BRI3BP: variants seen among roughly 807,000 people sequenced by gnomAD.
BRI3BP encodes the protein BRI3 binding protein.
In BRI3BP, 7 loss-of-function variants were observed where a neutral mutation model predicts 15.8. The observed-to-expected ratio is 0.44, with a 90% CI of 0.25 to 0.83. The LOEUF (loss-of-function observed/expected upper bound fraction) is 0.83. Among genes scored for constraint, BRI3BP ranks in the 40% least tolerant of loss-of-function variants. BRI3BP has a pLI of 0.20. For missense variants in BRI3BP, 320 were observed against 339.3 expected (o/e 0.94, Z 0.45); for synonymous variants, 192 against 163.5 (o/e 1.17, Z -1.33).
the BRI3BP span, among the ~76,000 whole-genome samples, chr12:125,048,554 G>A: frequency 6.6e-6 from 1 of 151,510 alleles, no homozygotes; most frequent in Admixed American, 6.6e-5. Flanking sequence ...CTGTTGTGGG[G>A]TGGGGGCAGG....
downstream of BRI3BP, among the ~76,000 whole-genome samples, chr12:125,032,508 G>T (rs935294567): frequency 2.0e-5 from 3 of 152,134 alleles, no homozygotes; most frequent in African/African-American, 4.8e-5. Context: ...AGTGGCTCAC[G>T]CCTGTCATCC....
chr12:125,031,669 T>C (rs1594542634), downstream of BRI3BP, among the ~76,000 whole-genome samples: 1 of 139,570 alleles, frequency 7.2e-6, no homozygotes, highest in Non-Finnish European at 1.5e-5. Context: ...CTCCATCTCC[T>C]GGGCTCAAGC....
At position 125,029,781 on chromosome 12, in the gene BRI3BP, A is replaced by G. The variant is rs954354608; in HGVS notation, c.*4351A>G. 2 of 152,274 alleles carry G rather than the reference A, an allele frequency of 1.3e-5. No homozygotes were observed. Among genetic ancestry groups the G allele is most frequent in the Admixed American group, 6.5e-5 (1 of 15,268 alleles). 9.4% of individuals were successfully genotyped at this position (152,274 alleles called of 1,614,324 possible). ...GAAAGGTGTTTCATACACTTACCCC[A>G]GAAATGAGAGCCTGTCTCATGCAGG... is the stretch of plus-strand genomic sequence containing the variant. On this transcript the variant is annotated 3_prime_UTR_variant, in exon 3 of 3. Coordinates refer to ENST00000341446, the MANE Select transcript of BRI3BP (RefSeq NM_080626.6).
At chr12:124,996,469 G>A (rs1434514699) in intron 1 of BRI3BP, among the ~76,000 whole-genome samples, 1 of 151,656 alleles carries the variant, frequency 6.6e-6, no homozygotes, top group Admixed American at 6.6e-5. Context: ...GATTACAAGT[G>A]AGCACCACCA....
chr12:125,045,289 G>A, the BRI3BP span, among the ~76,000 whole-genome samples: 3 of 152,138 alleles, frequency 2.0e-5, no homozygotes, highest in African/African-American at 4.8e-5. Flanking sequence ...GATCAAACCC[G>A]TTTAAGTCTA....
At chr12:125,006,528 G>A (rs1229379009) in intron 1 of BRI3BP, among the ~76,000 whole-genome samples, 3 of 152,196 alleles carry the variant, frequency 2.0e-5, no homozygotes, top group Non-Finnish European at 2.9e-5. Context: ...AGTTTTCAGA[G>A]CACCTGCCTG....
chr12:125,013,164 TAGTGGG>T (rs60972122), intron 2 of BRI3BP, among the ~76,000 whole-genome samples: 42,273 of 151,726 alleles, frequency 0.28, 6,388 homozygotes, highest in South Asian at 0.45. Flanking sequence ...TGCGACTGGG[TAGTGGG>T]AGTGCCAATT....
chr12:125,012,615 T>C lies in BRI3BP; in HGVS notation c.295T>C (p.Leu99=), dbSNP rs1231804535. 2 of 1,606,972 alleles carry C rather than the reference T, an allele frequency of 1.2e-6. No individual in the cohort carries two copies. Among genetic ancestry groups the C allele is most frequent in the Admixed American group, 1.7e-5 (1 of 59,966 alleles). Residue 99 remains leucine, a synonymous_variant, in exon 2 of 3, where the codon TTG becomes CTG. Transcript: ENST00000341446. ...ETLWKVWTEL[L]DVLGLDVSNL... The stretch of plus-strand genomic sequence containing the variant: ...ACTGTGGAAAGTCTGGACCGAGCTC[T>C]TGGATGTTCTTGGACTTGACGGTAG...
the BRI3BP span, among the ~76,000 whole-genome samples, chr12:125,041,054 AT>A: frequency 5.1e-5 from 6 of 116,610 alleles, no homozygotes; most frequent in Admixed American, 2.6e-4. Context: ...TTTTATTTTT[AT>A]TTTTTTTTGA....
downstream of BRI3BP, among the ~76,000 whole-genome samples, chr12:125,032,245 G>C (rs902443005): frequency 4.6e-5 from 7 of 151,356 alleles, no homozygotes; most frequent in Admixed American, 2.6e-4. Context: ...GGCGGATCAC[G>C]AGGTCAAGAG....
chr12:125,044,071 T>C, the BRI3BP span, among the ~76,000 whole-genome samples: 1 of 151,968 alleles, frequency 6.6e-6, no homozygotes, highest in African/African-American at 2.4e-5. Flanking sequence ...AACAGGCAAG[T>C]TTACAAGTCT....
the BRI3BP span, among the ~76,000 whole-genome samples, chr12:125,049,086 C>T: frequency 2.0e-5 from 3 of 152,258 alleles, no homozygotes; most frequent in Admixed American, 6.5e-5. Flanking sequence ...CTCAGCCTCC[C>T]GAGTGGCTGG....
At chr12:125,001,544 C>T (rs1350592598) in intron 1 of BRI3BP, among the ~76,000 whole-genome samples, 2 of 151,798 alleles carry the variant, frequency 1.3e-5, no homozygotes, top group South Asian at 4.2e-4. Context: ...TTGTATTTTT[C>T]GTAGAGACAG....
the BRI3BP span, among the ~76,000 whole-genome samples, chr12:125,042,445 T>C: frequency 6.6e-6 from 1 of 152,100 alleles, no homozygotes; most frequent in East Asian, 1.9e-4. Flanking sequence ...CATTTTTGCC[T>C]CTAATTCTTT....
chr12:125,034,639 G>A (rs921767948), downstream of BRI3BP, among the ~76,000 whole-genome samples: 1 of 151,952 alleles, frequency 6.6e-6, no homozygotes, highest in Non-Finnish European at 1.5e-5. Flanking sequence ...GCCCAGGCTG[G>A]AGTGCAGTGG....
In BRI3BP at chr12:125,012,563, G is replaced by C. The variant is rs996618423; in HGVS notation, c.243G>C (p.Val81=). Residue 81 remains valine (V), a synonymous_variant, in exon 2 of 3, where the codon GTG becomes GTC. Transcript: ENST00000341446. ...TGGCCAGGCTGACTGAGAGATTTGT[G>C]CTGGGAGTGGATATGTTCGTGGAGA... ...KFLARLTERF[V]LGVDMFVETL... is the part of the protein sequence containing the mutation. The C allele has an allele frequency of 1.2e-6, 2 of 1,612,784 alleles. No homozygotes were observed. Among genetic ancestry groups the C allele is most frequent in the East Asian group, 4.5e-5 (2 of 44,878 alleles).
At chr12:125,036,793 C>T in the BRI3BP span, among the ~76,000 whole-genome samples, 1 of 152,118 alleles carries the variant, frequency 6.6e-6, no homozygotes, top group Admixed American at 6.6e-5. Flanking sequence ...GGTGGACCCC[C>T]ATAATGGGAC....
rs1436267020 is a variant in BRI3BP, at chr12:125,025,363, A to G, written c.689A>G (p.Gln230Arg). The change falls in exon 3 of 3, where the codon CAG becomes CGG. Residue 230 changes from glutamine to arginine, a missense_variant. Gln to Arg is a conservative substitution (Grantham distance 43, BLOSUM62 1). Coordinates refer to ENST00000341446, the MANE Select transcript of BRI3BP (RefSeq NM_080626.6). ...GAGAAGCTGGAGCACCTGGAGAAGC[A>G]GGTCAGACTGCTCAACATCCGTCTC... Reference protein sequence around the residue: ...VEEKLEHLEKQVRLLNIRLNR... With the variant: ...VEEKLEHLEKRVRLLNIRLNR... 1 of 1,612,674 alleles carries G rather than the reference A, an allele frequency of 6.2e-7. No individual in the cohort carries two copies. The highest frequency in any genetic ancestry group is 8.5e-7 in the Non-Finnish European group (1 of 1,179,618).
At position 124,993,701 on chromosome 12, in the gene BRI3BP, AGC is replaced by A; in HGVS notation, c.-85_-84del. Reference sequence around the variant, plus strand: ...GTAAAGGCGCGGCGCGCGGCCCCCGAGCGCGCCAACCTTGCCCTAGCCGGAGC... The same window carrying A: ...GTAAAGGCGCGGCGCGCGGCCCCCGAGCGCCAACCTTGCCCTAGCCGGAGC... On this transcript the variant is annotated 5_prime_UTR_variant, in exon 1 of 3. Transcript: ENST00000341446. The A allele has an allele frequency of 1.4e-6, 1 of 720,356 alleles. No homozygotes were observed. Among genetic ancestry groups the A allele is most frequent in the Non-Finnish European group, 1.7e-6 (1 of 590,226 alleles). The allele number at this position is 720,356 out of a possible 1,614,324, so 44.6% of individuals were successfully genotyped here.
Sources: gnomAD v4.1 joint callset for allele counts (sites outside exome capture counted in the v4.1 genomes callset) on GRCh38, gnomAD v4.1.1 for gene constraint, MANE v1.5 for transcripts, NCBI Gene and HGNC (gene_info 2026-07-23, HGNC 2026-07-21) for gene names.